Variants in ZNF138 observed in about 807,000 individuals in gnomAD.
ZNF138 encodes the protein zinc finger protein 138 (clone pHZ-32).
In ZNF138, 33 loss-of-function variants were observed where a neutral mutation model predicts 33.0. The observed-to-expected ratio is 1.00, with a 90% confidence interval of 0.76 to 1.34. The LOEUF (loss-of-function observed/expected upper bound fraction) is 1.34, where lower values mean the gene tolerates loss of function less well. Ranked by LOEUF, ZNF138 falls within the 40% of genes most tolerant of loss-of-function variation. ZNF138 has a pLI of 0.00. For missense variants in ZNF138, 360 were observed against 370.8 expected (o/e 0.97, Z 0.24); for synonymous variants, 139 against 120.4 (o/e 1.15, Z -1.01).
In ZNF138 at chr7:64,832,362, C is replaced by T. The variant is rs1790164249; in HGVS notation, c.*160C>T. Reference sequence around the variant, plus strand: ...TGAAGAATGTGGCAGAGCTTTTAACCAGTCCGCAAAGCTCACTGAACATAA... The same window carrying T: ...TGAAGAATGTGGCAGAGCTTTTAACTAGTCCGCAAAGCTCACTGAACATAA... On this transcript the variant is annotated 3_prime_UTR_variant, in exon 4 of 4. Coordinates refer to ENST00000307355, the MANE Select transcript of ZNF138 (RefSeq NM_001271639.2). The T allele has an allele frequency of 1.9e-6, 3 of 1,553,530 alleles. No homozygotes were observed. The highest frequency in any genetic ancestry group is 2.8e-5 in the African/African-American group (2 of 72,712).
At chr7:64,822,885 T>TA (rs1336289248) in intron 3 of ZNF138, among the ~76,000 whole-genome samples, 28 of 152,306 alleles carry the variant, frequency 1.8e-4, no homozygotes, top group African/African-American at 6.7e-4. Context: ...TTTTTTTATT[T>TA]TTTTTTTTTT....
rs144805511 is a variant in ZNF138, at chr7:64,831,951, A to G, written c.709A>G (p.Ile237Val). The G allele has an allele frequency of 4.2e-5, 68 of 1,613,416 alleles. No individual in the cohort carries two copies. Among genetic ancestry groups the G allele is most frequent in the East Asian group, 3.8e-4 (17 of 44,852 alleles). Residue 237 changes from isoleucine to valine, a missense_variant, in exon 4 of 4, where the codon ATC becomes GTC. Ile to Val is a conservative substitution (Grantham distance 29). Transcript: ENST00000307355. ...TGGAAAAGCCTTTCACCAATCCTCA[A>G]TCCTTACTAAACATAAGATAATTCG... is the stretch of plus-strand genomic sequence containing the variant. ...VCGKAFHQSS[I>V]LTKHKIIRTG... is the part of the protein sequence containing the mutation.
chr7:64,853,969 C>T, the ZNF138 span, among the ~76,000 whole-genome samples: 2 of 151,692 alleles, frequency 1.3e-5, no homozygotes, highest in Non-Finnish European at 2.9e-5. Flanking sequence ...AGTCACTGCA[C>T]TCCAGCCTGG....
intron 1 of ZNF138, among the ~76,000 whole-genome samples, chr7:64,810,526 A>G (rs1449378911): frequency 1.3e-5 from 2 of 151,358 alleles, no homozygotes; most frequent in Non-Finnish European, 3.0e-5. Context: ...GGCTTCCAAT[A>G]AAATTACTCT....
intron 3 of ZNF138, among the ~76,000 whole-genome samples, chr7:64,821,554 TG>T (rs2053954542): frequency 1.3e-5 from 2 of 151,688 alleles, no homozygotes; most frequent in Non-Finnish European, 2.9e-5. Flanking sequence ...TCTTTTTGTT[TG>T]TTTGTTTTCG....
the ZNF138 span, among the ~76,000 whole-genome samples, chr7:64,847,392 C>T: frequency 2.1e-5 from 3 of 145,638 alleles, no homozygotes; most frequent in South Asian, 2.2e-4. Flanking sequence ...CTGTTAAGCC[C>T]GTTTGTTCTA....
chr7:64,812,155 TAA>T lies in ZNF138; in HGVS notation c.4-2762_4-2761del, dbSNP rs201400511. Among the ~76,000 whole-genome samples, 1,368 of 150,740 alleles carry T rather than the reference TAA, an allele frequency of 9.1e-3. 13 individuals carry two copies. Among genetic ancestry groups the T allele is most frequent in the Non-Finnish European group, 0.012 (813 of 67,764 alleles). On this transcript the variant is annotated intron_variant, in intron 1 of 3. Coordinates refer to ENST00000307355, the MANE Select transcript of ZNF138 (RefSeq NM_001271639.2). ...GGGTTCAAGATACACTCATGAGAGTTAAGTGGGTTTTTTTTTTTTTTGAGACC... is the reference window on the plus strand; with the variant it reads ...GGGTTCAAGATACACTCATGAGAGTTGTGGGTTTTTTTTTTTTTTGAGACC...
intron 1 of ZNF138, among the ~76,000 whole-genome samples, chr7:64,810,299 C>T (rs1403971622): frequency 1.9e-4 from 29 of 149,026 alleles, no homozygotes; most frequent in Non-Finnish European, 1.5e-5. Flanking sequence ...CCACCAAAAC[C>T]AGTCAGGCGT....
intron 1 of ZNF138, among the ~76,000 whole-genome samples, chr7:64,813,598 T>A (rs929544665): frequency 2.6e-5 from 4 of 152,102 alleles, no homozygotes; most frequent in Non-Finnish European, 2.9e-5. Flanking sequence ...CACGCCCGGC[T>A]AATTTTTTTG....
At position 64,817,486 on chromosome 7, in the gene ZNF138, CCT is replaced by C. The variant is rs1256592186; in HGVS notation, c.208+1835_208+1836del. ...CTGGGGTTTAGCAGTTTCACAACTC[CCT>C]CCCTGGATCTCAGAGCTCTCTTAAA... On this transcript the variant is annotated intron_variant, in intron 3 of 3. Transcript: ENST00000307355. Among the ~76,000 whole-genome samples, 9 of 152,112 alleles carry C rather than the reference CCT, an allele frequency of 5.9e-5. No individual in the cohort carries two copies. The East Asian group carries it at 1.7e-3, about 29-fold the overall frequency.
intron 1 of ZNF138, among the ~76,000 whole-genome samples, chr7:64,796,956 G>C (rs1786737965): frequency 6.6e-6 from 1 of 152,176 alleles, no homozygotes; most frequent in Non-Finnish European, 1.5e-5. Context: ...AGGCTGAGGT[G>C]GGAGAATCAT....
intron 1 of ZNF138, 52 bp from the exon 2 acceptor site, chr7:64,814,866 C>T: frequency 3.1e-6 from 5 of 1,605,572 alleles, no homozygotes; most frequent in Non-Finnish European, 4.3e-6. Context: ...AAAATTCTGC[C>T]CATGGCTACT....
chr7:64,854,236 T>C, the ZNF138 span, among the ~76,000 whole-genome samples: 1 of 152,122 alleles, frequency 6.6e-6, no homozygotes, highest in Admixed American at 6.5e-5. Flanking sequence ...CACACACACA[T>C]ACATATGTAC....
chr7:64,808,227 C>A (rs113740754), intron 1 of ZNF138, among the ~76,000 whole-genome samples: 2 of 152,046 alleles, frequency 1.3e-5, no homozygotes, highest in Non-Finnish European at 2.9e-5. Context: ...GTTTGTTCCT[C>A]CCCTCATACA....
chr7:64,839,862 CAAAG>C, the ZNF138 span, among the ~76,000 whole-genome samples: 346 of 152,166 alleles, frequency 2.3e-3, no homozygotes, highest in African/African-American at 7.8e-3. Flanking sequence ...AGAGGCGAGA[CAAAG>C]AGGGCAAAAA....
chr7:64,824,986 C>T (rs1429250039), intron 3 of ZNF138, among the ~76,000 whole-genome samples: 1 of 151,576 alleles, frequency 6.6e-6, no homozygotes, highest in African/African-American at 2.4e-5. Context: ...GGATTATAGG[C>T]ATGCACCACC....
At chr7:64,819,691 T>G (rs1312766329) in intron 3 of ZNF138, among the ~76,000 whole-genome samples, 1 of 152,100 alleles carries the variant, frequency 6.6e-6, no homozygotes, top group African/African-American at 2.4e-5. Context: ...TTGAAAAGAT[T>G]TATAATTCTG....
intron 1 of ZNF138, among the ~76,000 whole-genome samples, chr7:64,804,234 A>G (rs1277140891): frequency 2.0e-5 from 3 of 152,170 alleles, no homozygotes; most frequent in Admixed American, 6.5e-5. Context: ...CTAATTGGCT[A>G]TGTTATCTAT....
chr7:64,836,997 G>T (rs1320952635), downstream of ZNF138: 1 of 152,208 alleles, frequency 6.6e-6, no homozygotes, highest in Non-Finnish European at 1.5e-5. Flanking sequence ...TGCCACACCA[G>T]TTCGTCTATA....
Sources: gnomAD v4.1 joint callset for allele counts (sites outside exome capture counted in the v4.1 genomes callset) on GRCh38, gnomAD v4.1.1 for gene constraint, MANE v1.5 for transcripts, NCBI Gene and HGNC (gene_info 2026-07-23, HGNC 2026-07-21) for gene names.